The following ARHGAP32 variants were observed in gnomAD, a reference collection of about 807,000 sequenced individuals.
ARHGAP32 encodes Rho GTPase activating protein 32, also known as rho GTPase-activating protein 32.
A neutral mutation model predicts 186.5 loss-of-function variants in ARHGAP32; 51 were observed. The ratio of observed to expected loss-of-function variants is 0.27; its 90% confidence interval spans 0.22 to 0.35. The LOEUF is 0.35. ARHGAP32 is among the 10% of genes least tolerant of loss of function. ARHGAP32 has a pLI of 1.00. For synonymous variants in ARHGAP32, 950 were observed against 964.3 expected (o/e 0.99, Z 0.27); for missense variants, 2,186 against 2,623.5 (o/e 0.83, Z 3.64).
chr11:129,061,480 C>T (rs1294848100), intron 10 of ARHGAP32, among the ~76,000 whole-genome samples: 1 of 152,174 alleles, frequency 6.6e-6, no homozygotes, highest in East Asian at 1.9e-4. Context: ...CAATTAGGCA[C>T]AGTAAGAGAT....
intron 12 of ARHGAP32, among the ~76,000 whole-genome samples, chr11:128,988,738 T>C (rs761143896): frequency 6.6e-6 from 1 of 152,218 alleles, no homozygotes; most frequent in Non-Finnish European, 1.5e-5. Flanking sequence ...ATTAACTTTA[T>C]TGACATTTTG....
chr11:129,278,950 G>A (rs913666176), intron 1 of ARHGAP32, among the ~76,000 whole-genome samples: 1 of 146,628 alleles, frequency 6.8e-6, no homozygotes, highest in Non-Finnish European at 1.5e-5. Context: ...GGCCCGCAGC[G>A]CCGTCCGCCC....
exon 1 of ARHGAP32, chr11:129,279,253 C>CCGAG (rs1396980881): frequency 3.5e-5 from 5 of 144,150 alleles, no homozygotes; most frequent in African/African-American, 1.2e-4. Flanking sequence ...GCCGCCGCCG[C>CCGAG]CGCCGAGCGC....
chr11:129,260,460 T>G (rs1162785589), intron 1 of ARHGAP32, among the ~76,000 whole-genome samples: 1 of 152,156 alleles, frequency 6.6e-6, no homozygotes, highest in Non-Finnish European at 1.5e-5. Context: ...AACTAAAACT[T>G]CTTTCTTAAA....
Position 129,106,430 on chromosome 11 carries a change from T to C in ARHGAP32, c.445-12723A>G, listed in dbSNP as rs980347105. ...GCAAATTAACACAGGAGCAGAAAAC[T>C]AAATACCAGACGTTCTCACTCATAA... On this transcript the variant is annotated intron_variant, in intron 5 of 22. Transcript: ENST00000682385. 3.9e-5 allele frequency among the ~76,000 whole-genome samples: 6 copies of C among 152,098 alleles called. No homozygotes were observed. The South Asian group carries it at 8.3e-4, about 21-fold the overall frequency.
intron 14 of ARHGAP32, 146 bp from the exon 15 acceptor site, chr11:128,986,231 T>C: frequency 1.4e-6 from 1 of 715,312 alleles, no homozygotes; most frequent in South Asian, 1.8e-5. Context: ...ATTCAGGAAG[T>C]AAACTGTTTC....
At chr11:129,139,977 A>C (rs982208379) in intron 2 of ARHGAP32, among the ~76,000 whole-genome samples, 4 of 152,184 alleles carry the variant, frequency 2.6e-5, no homozygotes, top group Non-Finnish European at 5.9e-5. Flanking sequence ...TACTGCTGAG[A>C]ATAGAGGGTG....
At chr11:129,038,579 A>T (rs1027649831) in intron 11 of ARHGAP32, among the ~76,000 whole-genome samples, 2 of 152,024 alleles carry the variant, frequency 1.3e-5, no homozygotes, top group Admixed American at 1.3e-4. Context: ...TATCTAGAAT[A>T]TATGAGCAAC....
intron 6 of ARHGAP32, among the ~76,000 whole-genome samples, chr11:129,082,954 A>T (rs1398647427): frequency 1.3e-5 from 2 of 152,118 alleles, no homozygotes; most frequent in Non-Finnish European, 2.9e-5. Context: ...ATAAACAGTT[A>T]TCAAAAGAAG....
intron 1 of ARHGAP32, among the ~76,000 whole-genome samples, chr11:129,170,306 C>A (rs1396619636): frequency 6.6e-6 from 1 of 151,218 alleles, no homozygotes; most frequent in Admixed American, 6.6e-5. Context: ...ATTGACTCGT[C>A]CTCTACTTTC....
rs796713060 is a variant in ARHGAP32, at chr11:129,206,752, CT to C, written c.-4-42326del. ...GCTCTTATATTTCCTGTAAGCCATT[CT>C]TTTTTTTTTTTATGAATATACTTTA... On this transcript the variant is annotated intron_variant, in intron 1 of 6. Coordinates refer to the ARHGAP32 transcript ENST00000525234. 9.5e-3 allele frequency among the ~76,000 whole-genome samples: 1,360 copies of C among 143,446 alleles called. 8 individuals are homozygous for C. Among genetic ancestry groups the C allele is most frequent in the South Asian group, 0.033 (146 of 4,458 alleles). The allele number at this position is 143,446 out of a possible 152,430, so 94.1% of individuals were successfully genotyped here.
At chr11:129,140,975 G>A (rs1253426776) in intron 2 of ARHGAP32, among the ~76,000 whole-genome samples, 1 of 152,110 alleles carries the variant, frequency 6.6e-6, no homozygotes, top group Non-Finnish European at 1.5e-5. Context: ...CTTTTTCAGA[G>A]ATATTTTCCT....
chr11:129,182,512 TG>T (rs1351196568), intron 1 of ARHGAP32, among the ~76,000 whole-genome samples: 1 of 152,064 alleles, frequency 6.6e-6, no homozygotes, highest in African/African-American at 2.4e-5. Context: ...GTAATGTAGA[TG>T]TTTTTTGTTT....
intron 2 of ARHGAP32, among the ~76,000 whole-genome samples, chr11:129,149,466 T>C (rs1402847278): frequency 6.6e-6 from 1 of 152,162 alleles, no homozygotes; most frequent in African/African-American, 2.4e-5. Context: ...ACAGGACTCT[T>C]TGCAGACATT....
Position 128,969,308 on chromosome 11 carries a change from G to A in ARHGAP32, c.5905C>T (p.Gln1969Ter). ...GAGTGTTTCTCTGGGGCAGAAGGCT[G>A]CCTAACCCAGGGTCGCTCCATCTCT... Reference protein sequence around the residue: ...SKEMERPWVRQPSAPEKHSRD... With the variant: ...SKEMERPWVR Residue 1969 changes from glutamine (Q) to a stop codon, truncating the protein, a stop_gained, in exon 23 of 23, where the codon CAG (glutamine) becomes TAG (stop). Transcript: ENST00000682385. LOFTEE classifies it high-confidence loss of function. The surrounding 1 kb of genome is among the most constrained non-coding windows in gnomAD (Gnocchi z 4.8). 1 of 1,614,226 alleles carries A rather than the reference G, an allele frequency of 6.2e-7. No homozygotes were observed. The highest frequency in any genetic ancestry group is 8.5e-7 in the Non-Finnish European group (1 of 1,180,040).
intron 1 of ARHGAP32, among the ~76,000 whole-genome samples, chr11:129,176,789 G>A (rs901745667): frequency 2.3e-4 from 35 of 151,836 alleles, no homozygotes; most frequent in Admixed American, 5.9e-4. Context: ...TCAAAGCAGT[G>A]TGTAGAGGGA....
At chr11:129,179,998 G>A (rs1384829879) in intron 1 of ARHGAP32, among the ~76,000 whole-genome samples, 1 of 151,820 alleles carries the variant, frequency 6.6e-6, no homozygotes, top group Non-Finnish European at 1.5e-5. Context: ...GACATAACAT[G>A]TAAATAAACA....
Position 129,105,289 on chromosome 11 carries a change from C to T in ARHGAP32, c.445-11582G>A, listed in dbSNP as rs11221564. On this transcript the variant is annotated intron_variant, in intron 5 of 22. Coordinates refer to ENST00000682385, the MANE Select transcript of ARHGAP32 (RefSeq NM_001378024.1). ...ATGGAAGTATTTTGAAAGCCATGCA[C>T]ACGCACAGGGTAGGACACATACTCA... 6.2e-3 allele frequency among the ~76,000 whole-genome samples: 942 copies of T among 152,252 alleles called. 5 individuals carry two copies. Among genetic ancestry groups the T allele is most frequent in the African/African-American group, 0.021 (893 of 41,538 alleles).
At chr11:129,252,069 A>G (rs1045722570) in intron 1 of ARHGAP32, among the ~76,000 whole-genome samples, 3 of 152,184 alleles carry the variant, frequency 2.0e-5, no homozygotes, top group Admixed American at 2.0e-4. Flanking sequence ...TATAATTTAA[A>G]TATCAATTAT....
Sources: gnomAD v4.1 joint callset for allele counts (sites outside exome capture counted in the v4.1 genomes callset) on GRCh38, gnomAD v4.1.1 for gene constraint, Gnocchi (gnomAD v3.1) non-coding constraint, MANE v1.5 for transcripts, NCBI Gene and HGNC (gene_info 2026-07-23, HGNC 2026-07-21) for gene names.